The following TBXT variants were observed in gnomAD, a reference collection of about 807,000 sequenced individuals.
TBXT encodes T brachyury transcription factor.
A neutral mutation model predicts 41.1 loss-of-function variants in TBXT; 19 were observed. That is an observed-to-expected ratio of 0.46 (90% CI 0.32 to 0.68). TBXT has a LOEUF of 0.68. Ranked by LOEUF, TBXT falls within the 30% of genes least tolerant of loss-of-function variation. The pLI, the probability that TBXT is intolerant of heterozygous loss-of-function variation, is 0.03. For synonymous variants in TBXT, 213 were observed against 238.9 expected, an observed-to-expected ratio of 0.89 and a Z score of 1.00; for missense variants, 536 against 582.0, an observed-to-expected ratio of 0.92 and a Z score of 0.81.
At chr6:166,160,109 A>AT (rs1451475947) in intron 7 of TBXT, among the ~76,000 whole-genome samples, 1 of 152,324 alleles carries the variant, frequency 6.6e-6, no homozygotes, top group Admixed American at 6.5e-5. Context: ...ATCATTTAAT[A>AT]TCTCTGGCCC....
intron 2 of TBXT, 31 bp downstream of exon 2, chr6:166,166,561 G>A (rs781204411): frequency 6.2e-7 from 1 of 1,613,164 alleles, no homozygotes; most frequent in South Asian, 1.1e-5. Context: ...CTCCTCGCTG[G>A]TCCCAGACCT....
upstream of TBXT, chr6:166,167,920 T>A (rs995458427): frequency 9.4e-6 from 4 of 423,962 alleles, no homozygotes; most frequent in African/African-American, 4.0e-5. Context: ...CTCGGCGGAT[T>A]GGGCCGCGCA....
chr6:166,166,829 G>T lies in TBXT; in HGVS notation c.234C>A (p.Asn78Lys). Reference protein sequence around the residue: ...GRRMFPVLKVNVSGLDPNAMY... With the variant: ...GRRMFPVLKVKVSGLDPNAMY... The stretch of plus-strand genomic sequence containing the variant: ...TGGCGTTGGGGTCCAGGCCAGACAC[G>T]TTCACCTTCAGCACCGGAAACATCC... The change falls in exon 2 of 8, where the codon AAC becomes AAA. Residue 78 changes from asparagine to lysine, a missense_variant. Physicochemically the swap from Asn to Lys is moderately conservative, Grantham distance 94. Transcript: ENST00000366876. 1 of 1,613,856 alleles carries T rather than the reference G, an allele frequency of 6.2e-7. No homozygotes were observed. Among genetic ancestry groups the T allele is most frequent in the South Asian group, 1.1e-5 (1 of 91,092 alleles).
At position 166,162,515 on chromosome 6, in the gene TBXT, T is replaced by C. The variant is rs139829897; in HGVS notation, c.839A>G (p.Tyr280Cys). 14 of 1,613,854 alleles carry C rather than the reference T, an allele frequency of 8.7e-6. No homozygotes were observed. The African/African-American group carries it at 1.7e-4, about 20-fold the overall frequency. ...SLPSTHSCDRYPTLRSHRSSP... is the reference protein window; with the variant it reads ...SLPSTHSCDRCPTLRSHRSSP... ...GGACCGGTGGCTCCTCAGGGTTGGG[T>C]ACCTGTCACAGCTGTGCGTGGAGGG... The change falls in exon 6 of 8, where the codon TAC becomes TGC. Residue 280 changes from tyrosine to cysteine, a missense_variant. Tyr to Cys is a radical substitution (Grantham distance 194). Transcript: ENST00000366876.
intron 3 of TBXT, among the ~76,000 whole-genome samples, chr6:166,165,302 G>A (rs1446994396): frequency 6.6e-6 from 1 of 151,938 alleles, no homozygotes; most frequent in Admixed American, 6.6e-5. Context: ...CTTGTATCTA[G>A]TTGAGTCTTC....
chr6:166,157,981 A>T lies in TBXT; in HGVS notation c.*334T>A. 2.3e-6 allele frequency: 1 copy of T among 434,442 alleles called. No homozygotes were observed. Among genetic ancestry groups the T allele is most frequent in the Non-Finnish European group, 4.3e-6 (1 of 234,222 alleles). The allele number at this position is 434,442 out of a possible 1,614,324, so 26.9% of individuals were successfully genotyped here. A position where few individuals can be genotyped will look rare whatever the true frequency, so the allele number is the denominator to read the frequency against. On this transcript the variant is annotated 3_prime_UTR_variant, in exon 8 of 8. Coordinates refer to ENST00000366876, the MANE Select transcript of TBXT (RefSeq NM_001366285.2). ...AAATTCTGGTGTGCCAAAGTTGCCA[A>T]TACACTGTATGAGAAATAAACCAAA...
At chr6:166,163,377 G>C (rs562482647) in intron 5 of TBXT, among the ~76,000 whole-genome samples, 1 of 152,156 alleles carries the variant, frequency 6.6e-6, no homozygotes, top group East Asian at 1.9e-4. Flanking sequence ...ACAATTTCTT[G>C]TCCACTCATT....
chr6:166,162,455 T>G lies in TBXT; in HGVS notation c.899A>C (p.Asn300Thr). ...PYPSPYAHRNNSPTYSDNSPA... is the reference protein window; with the variant it reads ...PYPSPYAHRNTSPTYSDNSPA... ...TGAGGCTGAGGACTCACTTGGAGAA[T>G]TGTTCCGATGAGCATAGGGGCTGGG... The change falls in exon 6 of 8, where the codon AAT becomes ACT. Residue 300 changes from asparagine to threonine, a missense_variant. Asn to Thr is a moderately conservative substitution (Grantham distance 65). Transcript: ENST00000366876. 1 of 1,614,076 alleles carries G rather than the reference T, an allele frequency of 6.2e-7. No individual in the cohort carries two copies. Among genetic ancestry groups the G allele is most frequent in the Non-Finnish European group, 8.5e-7 (1 of 1,180,008 alleles).
At chr6:166,160,784 G>A in intron 7 of TBXT, 53 bp downstream of exon 7, 2 of 1,611,420 alleles carry the variant, frequency 1.2e-6, no homozygotes, top group Non-Finnish European at 1.7e-6. Context: ...ACAGCGTGAA[G>A]TCACAGGCAG....
In TBXT at chr6:166,164,815, A is replaced by G. The variant is rs1487762920; in HGVS notation, c.653T>C (p.Leu218Pro). The part of the protein sequence containing the change: ...IKYNPFAKAF[L>P]DAKERSDHKE... Reference sequence around the variant, plus strand: ...ATTCTCTCACCTTTCCTTTGCATCAAGGAAAGCTTTTGCAAATGGATTGTA... The same window carrying G: ...ATTCTCTCACCTTTCCTTTGCATCAGGGAAAGCTTTTGCAAATGGATTGTA... The change falls in exon 4 of 8, where the codon CTT (leucine) becomes CCT (proline). Residue 218 changes from leucine to proline, a missense_variant. By Grantham distance (98) the Leu-to-Pro change is moderately conservative (BLOSUM62 -3). Coordinates refer to ENST00000366876, the MANE Select transcript of TBXT (RefSeq NM_001366285.2). 6.2e-7 allele frequency: 1 copy of G among 1,613,534 alleles called. No individual in the cohort carries two copies. Among genetic ancestry groups the G allele is most frequent in the Non-Finnish European group, 8.5e-7 (1 of 1,179,990 alleles).
chr6:166,161,603 T>C (rs1778956172), intron 6 of TBXT, among the ~76,000 whole-genome samples: 2 of 152,228 alleles, frequency 1.3e-5, no homozygotes, highest in Admixed American at 6.5e-5. Context: ...TATTGGAGCA[T>C]GCATCGGAAT....
chr6:166,162,462 G>A lies in TBXT; in HGVS notation c.892C>T (p.Arg298Trp), dbSNP rs746266432. The change falls in exon 6 of 8, where the codon CGG becomes TGG. Residue 298 changes from arginine (R) to tryptophan (W), a missense_variant. Arg to Trp is a moderately radical substitution (Grantham distance 101, BLOSUM62 -3). Coordinates refer to ENST00000366876, the MANE Select transcript of TBXT (RefSeq NM_001366285.2). Reference sequence around the variant, plus strand: ...GAGGACTCACTTGGAGAATTGTTCCGATGAGCATAGGGGCTGGGGTAGGGT... The same window carrying A: ...GAGGACTCACTTGGAGAATTGTTCCAATGAGCATAGGGGCTGGGGTAGGGT... ...SSPYPSPYAH[R>W]NNSPTYSDNS... 1.1e-5 allele frequency: 17 copies of A among 1,614,046 alleles called. No individual in the cohort carries two copies. The highest frequency in any genetic ancestry group is 2.7e-5 in the African/African-American group (2 of 74,928).
At position 166,162,464 on chromosome 6, in the gene TBXT, T is replaced by A. The variant is rs1340289028; in HGVS notation, c.890A>T (p.His297Leu). The change falls in exon 6 of 8, where the codon CAT becomes CTT. Residue 297 changes from histidine (H) to leucine (L), a missense_variant. Physicochemically the swap from His to Leu is moderately conservative, Grantham distance 99. Transcript: ENST00000366876. ...RSSPYPSPYA[H>L]RNNSPTYSDN... ...GGACTCACTTGGAGAATTGTTCCGA[T>A]GAGCATAGGGGCTGGGGTAGGGTGA... The A allele has an allele frequency of 1.9e-6, 3 of 1,614,072 alleles. No individual in the cohort carries two copies. The highest frequency in any genetic ancestry group is 2.5e-6 in the Non-Finnish European group (3 of 1,179,990).
At position 166,164,623 on chromosome 6, in the gene TBXT, G is replaced by A; in HGVS notation, c.712C>T (p.Gln238Ter). The A allele has an allele frequency of 1.2e-6, 2 of 1,614,122 alleles. No homozygotes were observed. Among genetic ancestry groups the A allele is most frequent in the Non-Finnish European group, 1.7e-6 (2 of 1,180,040 alleles). The change falls in exon 5 of 8, where the codon CAA becomes TAA. Residue 238 changes from glutamine to a stop codon, truncating the protein, a stop_gained. Transcript: ENST00000366876. LOFTEE classifies it high-confidence loss of function. Reference sequence around the variant, plus strand: ...ACCGTACATTGGGAGTACCCAGGTTGCTGGCTGTCTCCGGGTTCCTCCATC... The same window carrying A: ...ACCGTACATTGGGAGTACCCAGGTTACTGGCTGTCTCCGGGTTCCTCCATC... ...EMMEEPGDSQ[Q>*]PGYSQSGGWL...
In TBXT at chr6:166,160,963, T is replaced by C. The variant is rs748045953; in HGVS notation, c.911A>G (p.Tyr304Cys). The change falls in exon 7 of 8, where the codon TAT becomes TGT. Residue 304 changes from tyrosine to cysteine, a missense_variant. Physicochemically the swap from Tyr to Cys is radical, Grantham distance 194. Transcript: ENST00000366876. ...TAAACATGCAGGTGAGTTGTCAGAATAGGCTAAGGGGGGAAGGTAACAAAG... is the reference window on the plus strand; with the variant it reads ...TAAACATGCAGGTGAGTTGTCAGAACAGGCTAAGGGGGGAAGGTAACAAAG... ...PYAHRNNSPT[Y>C]SDNSPACLSM... is the part of the protein sequence containing the mutation. 2.0e-5 allele frequency: 32 copies of C among 1,613,910 alleles called. No homozygotes were observed. The highest frequency in any genetic ancestry group is 2.5e-5 in the Non-Finnish European group (29 of 1,179,956).
intron 7 of TBXT, among the ~76,000 whole-genome samples, chr6:166,159,557 C>T (rs1778891174): frequency 1.3e-5 from 2 of 152,192 alleles, no homozygotes; most frequent in South Asian, 4.1e-4. Flanking sequence ...TACTTATAGG[C>T]TGTGTTTCTC....
intron 7 of TBXT, 128 bp downstream of exon 7, chr6:166,160,709 A>T: frequency 7.2e-7 from 1 of 1,383,276 alleles, no homozygotes. Flanking sequence ...AAAGAATTCT[A>T]AATAAAGACC....
At position 166,160,907 on chromosome 6, in the gene TBXT, T is replaced by A. The variant is rs761128287; in HGVS notation, c.967A>T (p.Ser323Cys). 1.2e-6 allele frequency: 2 copies of A among 1,614,162 alleles called. No individual in the cohort carries two copies. The highest frequency in any genetic ancestry group is 2.7e-5 in the African/African-American group (2 of 75,052). ...CTGGGATGGGCAGGCATTCCAAGGCTGGACCAATTGTCATGGGATTGCAGC... is the reference window on the plus strand; with the variant it reads ...CTGGGATGGGCAGGCATTCCAAGGCAGGACCAATTGTCATGGGATTGCAGC... ...SMLQSHDNWSSLGMPAHPSML... is the reference protein window; with the variant it reads ...SMLQSHDNWSCLGMPAHPSML... Residue 323 changes from serine (S) to cysteine (C), a missense_variant, in exon 7 of 8, where the codon AGC becomes TGC. Coordinates refer to ENST00000366876, the MANE Select transcript of TBXT (RefSeq NM_001366285.2).
chr6:166,167,372 G>C lies in TBXT; in HGVS notation c.206+14C>G. 1 of 1,611,978 alleles carries C rather than the reference G, an allele frequency of 6.2e-7. No individual in the cohort carries two copies. The highest frequency in any genetic ancestry group is 8.5e-7 in the Non-Finnish European group (1 of 1,179,786). Reference sequence around the variant, plus strand: ...GGAGAGCGCGGCGCGCGCGGGCTCCGGACGCGCACCCACCTGCCGTTCTTG... The same window carrying C: ...GGAGAGCGCGGCGCGCGCGGGCTCCCGACGCGCACCCACCTGCCGTTCTTG... On this transcript the variant is annotated intron_variant, in intron 1 of 7. Coordinates refer to ENST00000366876, the MANE Select transcript of TBXT (RefSeq NM_001366285.2).
Sources: allele counts gnomAD v4.1 joint callset (sites outside exome capture counted in the v4.1 genomes callset), GRCh38; gene constraint gnomAD v4.1.1; transcripts MANE v1.5; gene names NCBI Gene and HGNC (gene_info 2026-07-23, HGNC 2026-07-21).